Variants in ITPRID2 observed in about 807,000 individuals in gnomAD.
ITPRID2 encodes ITPR interacting domain containing 2.
A neutral mutation model predicts 124.3 loss-of-function variants in ITPRID2; 60 were observed. That is an observed-to-expected ratio of 0.48 (90% CI 0.39 to 0.60). The LOEUF (loss-of-function observed/expected upper bound fraction) is 0.60. Ranked by LOEUF, ITPRID2 falls within the 20% of genes least tolerant of loss-of-function variation. ITPRID2 has a pLI of 0.00. For missense variants in ITPRID2, 1,553 were observed against 1,512.2 expected, an observed-to-expected ratio of 1.03 and a Z score of -0.45; for synonymous variants, 521 against 542.9, an observed-to-expected ratio of 0.96 and a Z score of 0.56.
chr2:181,915,639 G>A lies in ITPRID2; in HGVS notation c.1999G>A (p.Ala667Thr). 6.2e-7 allele frequency: 1 copy of A among 1,614,160 alleles called. No individual in the cohort carries two copies. Among genetic ancestry groups the A allele is most frequent in the Non-Finnish European group, 8.5e-7 (1 of 1,180,030 alleles). ...YTTHHILKSL[A>T]SIEAKCSDMS... Reference sequence around the variant, plus strand: ...CACACACCATATTCTGAAATCATTGGCTTCTATTGAAGCTAAATGCAGTGA... The same window carrying A: ...CACACACCATATTCTGAAATCATTGACTTCTATTGAAGCTAAATGCAGTGA... Residue 667 changes from alanine (A) to threonine (T), a missense_variant, in exon 11 of 18, where the codon GCT becomes ACT. Transcript: ENST00000431877.
chr2:181,927,417 T>C (rs914132576), intron 16 of ITPRID2, among the ~76,000 whole-genome samples: 1 of 152,208 alleles, frequency 6.6e-6, no homozygotes, highest in Non-Finnish European at 1.5e-5. Context: ...TGTAAGTGTT[T>C]GGACACCTGT....
At chr2:181,903,745 T>C (rs542357410) in intron 8 of ITPRID2, among the ~76,000 whole-genome samples, 4 of 152,310 alleles carry the variant, frequency 2.6e-5, no homozygotes, top group East Asian at 3.9e-4. Flanking sequence ...CCTGGTATAA[T>C]TTATTTCTCA....
In ITPRID2 at chr2:181,930,445, A is replaced by G. The variant is rs1340452342; in HGVS notation, c.*898A>G. The G allele has an allele frequency of 6.6e-6, 1 of 152,400 alleles. No homozygotes were observed. The highest frequency in any genetic ancestry group is 2.4e-5 in the African/African-American group (1 of 41,336). 9.4% of individuals were successfully genotyped at this position (152,400 alleles called of 1,614,324 possible). On this transcript the variant is annotated 3_prime_UTR_variant, in exon 18 of 18. Transcript: ENST00000431877. ...TTTTAGTTCAGTTTTAACCAGTGAA[A>G]ACTTTGTTTTTATGAAAAAAAAGGA... is the stretch of plus-strand genomic sequence containing the variant.
rs779312933 is a variant in ITPRID2, at chr2:181,919,234, T to C, written c.2994-62T>C. ...TTAGCATATAGTAGTTGTTGAAAGA[T>C]TTGTGATTAGGAATCTCCAAACTGC... On this transcript the variant is annotated intron_variant, in intron 13 of 17. Coordinates refer to ENST00000431877, the MANE Select transcript of ITPRID2 (RefSeq NM_001130445.3). The surrounding 1 kb of genome is among the most constrained non-coding windows in gnomAD (Gnocchi z 4.2). 1.3e-5 allele frequency: 20 copies of C among 1,586,384 alleles called. No homozygotes were observed. The highest frequency in any genetic ancestry group is 1.7e-5 in the Non-Finnish European group (20 of 1,163,150).
chr2:181,926,325 T>C (rs1393919072), intron 16 of ITPRID2, among the ~76,000 whole-genome samples: 1 of 152,192 alleles, frequency 6.6e-6, no homozygotes, highest in Non-Finnish European at 1.5e-5. Flanking sequence ...CCATTGAGAT[T>C]ATATCATGCT....
Position 181,899,035 on chromosome 2 carries a change from G to A in ITPRID2, c.426G>A (p.Glu142=), listed in dbSNP as rs770372418. Reference sequence around the variant, plus strand: ...GTAGCAATAATATCTTGGCCAAAGAGAGAAGATTACAGTTTCATCAGAAAG... The same window carrying A: ...GTAGCAATAATATCTTGGCCAAAGAAAGAAGATTACAGTTTCATCAGAAAG... ...IENCNNILAK[E]RRLQFHQKGR... is the part of the protein sequence containing the mutation. The change falls in exon 6 of 18, where the codon GAG becomes GAA. Residue 142 remains glutamate (E), a synonymous_variant. Transcript: ENST00000431877. 4.3e-6 allele frequency: 7 copies of A among 1,611,550 alleles called. No individual in the cohort carries two copies. The highest frequency in any genetic ancestry group is 5.1e-6 in the Non-Finnish European group (6 of 1,179,194).
intron 11 of ITPRID2, chr2:181,916,655 T>C (rs2125100564): frequency 1.4e-6 from 1 of 726,886 alleles, no homozygotes; most frequent in African/African-American, 1.8e-5. Context: ...CAAGTCTGTC[T>C]CCTTTCCAAG....
Position 181,892,739 on chromosome 2 carries a change from G to A in ITPRID2, c.257+79G>A. 6.5e-7 allele frequency: 1 copy of A among 1,527,438 alleles called. No homozygotes were observed. The highest frequency in any genetic ancestry group is 1.1e-5 in the South Asian group (1 of 88,940). 94.6% of individuals were successfully genotyped at this position (1,527,438 alleles called of 1,614,324 possible). On this transcript the variant is annotated intron_variant, in intron 2 of 17. Coordinates refer to ENST00000431877, the MANE Select transcript of ITPRID2 (RefSeq NM_001130445.3). The surrounding 1 kb of genome is among the most constrained non-coding windows in gnomAD (Gnocchi z 5.2). ...GCCGGAGCAGAGCCACTCGGGCCGC[G>A]TCCCTGTGGGTCCCGCGACCGTTGT...
chr2:181,922,142 G>A lies in ITPRID2; in HGVS notation c.3405G>A (p.Val1135=). The A allele has an allele frequency of 2.5e-6, 4 of 1,614,166 alleles. No individual in the cohort carries two copies. Among genetic ancestry groups the A allele is most frequent in the South Asian group, 1.1e-5 (1 of 91,080 alleles). ...CTGGAGTACCTTCTACTGCCTCAGT[G>A]GGCAAATCCAAAACCCCATTAGTGG... ...RRTGVPSTAS[V]GKSKTPLVAR... The change falls in exon 16 of 18, where the codon GTG becomes GTA. Residue 1135 remains valine, a synonymous_variant. Transcript: ENST00000431877.
At chr2:181,903,173 G>A (rs1692817943) in intron 8 of ITPRID2, among the ~76,000 whole-genome samples, 1 of 152,176 alleles carries the variant, frequency 6.6e-6, no homozygotes, top group African/African-American at 2.4e-5. Context: ...TGAATAGTAG[G>A]AGCTGAATAG....
intron 8 of ITPRID2, 109 bp from the exon 9 acceptor site, chr2:181,909,790 T>G: frequency 1.5e-6 from 1 of 672,726 alleles, no homozygotes; most frequent in Non-Finnish European, 2.5e-6. Context: ...ATATATAATG[T>G]TTTGGTGCAC....
intron 9 of ITPRID2, among the ~76,000 whole-genome samples, chr2:181,911,416 G>GTT (rs1446657821): frequency 2.0e-5 from 3 of 152,162 alleles, no homozygotes; most frequent in African/African-American, 7.2e-5. Context: ...GTGACTTAAT[G>GTT]TTTGTTACAA....
rs1691819419 is a variant in ITPRID2 at position 181,892,514 on chromosome 2, C to T, written c.212-101C>T. ...ACACTGAGACGTGTCGCTTAGGCTG[C>T]ATTTGCCGTGGTAGATTTTCCTACT... is the stretch of plus-strand genomic sequence containing the variant. On this transcript the variant is annotated intron_variant, in intron 1 of 17. Transcript: ENST00000431877. This position sits in a 1 kb window ranked among gnomAD's most constrained non-coding sequence, Gnocchi z 5.2. 1.4e-6 allele frequency: 2 copies of T among 1,442,386 alleles called. No homozygotes were observed. Among genetic ancestry groups the T allele is most frequent in the African/African-American group, 2.8e-5 (2 of 71,318 alleles). The allele number at this position is 1,442,386 out of a possible 1,614,324, so 89.3% of individuals were successfully genotyped here.
rs1692175744 is a variant in ITPRID2, at chr2:181,896,096, T to A, written c.307+17T>A. ...CACTCAAGGGTAAGAGAAGGTTGCC[T>A]TTCTAAATCTGTTCTTTATGACAGT... On this transcript the variant is annotated intron_variant, in intron 3 of 17. Coordinates refer to ENST00000431877, the MANE Select transcript of ITPRID2 (RefSeq NM_001130445.3). The surrounding 1 kb of genome is among the most constrained non-coding windows in gnomAD (Gnocchi z 4.3). 1.9e-6 allele frequency: 3 copies of A among 1,609,402 alleles called. No individual in the cohort carries two copies. Among genetic ancestry groups the A allele is most frequent in the Non-Finnish European group, 1.7e-6 (2 of 1,176,008 alleles).
intron 6 of ITPRID2, 106 bp from the exon 7 acceptor site, chr2:181,900,590 G>T (rs1272716451): frequency 1.2e-6 from 1 of 828,474 alleles, no homozygotes; most frequent in Non-Finnish European, 1.9e-6. Flanking sequence ...TGAGAAAAAA[G>T]ATTTTATCAC....
chr2:181,893,892 A>C (rs1691966986), intron 2 of ITPRID2: 1 of 152,190 alleles, frequency 6.6e-6, no homozygotes, highest in South Asian at 2.1e-4. Flanking sequence ...TGAAATTTTG[A>C]ATGTACATGT....
Position 181,929,659 on chromosome 2 carries a change from T to G in ITPRID2, c.*112T>G, listed in dbSNP as rs754907789. Reference sequence around the variant, plus strand: ...CTTTAGAAGATACTTGCTGTTGAGCTGGGCTACTGTATACAGTGTACAATG... The same window carrying G: ...CTTTAGAAGATACTTGCTGTTGAGCGGGGCTACTGTATACAGTGTACAATG... On this transcript the variant is annotated 3_prime_UTR_variant, in exon 18 of 18. Transcript: ENST00000431877. 29 of 1,603,206 alleles carry G rather than the reference T, an allele frequency of 1.8e-5. No homozygotes were observed. Among genetic ancestry groups the G allele is most frequent in the Non-Finnish European group, 2.5e-5 (29 of 1,170,602 alleles).
chr2:181,916,702 T>C lies in ITPRID2; in HGVS notation c.2787+275T>C, dbSNP rs1694082342. 4.5e-5 allele frequency: 32 copies of C among 714,900 alleles called. 1 individual carries two copies. The South Asian group carries it at 1.1e-3, about 25-fold the overall frequency. 44.3% of individuals were successfully genotyped at this position (714,900 alleles called of 1,614,324 possible). On this transcript the variant is annotated intron_variant, in intron 11 of 17. Coordinates refer to ENST00000431877, the MANE Select transcript of ITPRID2 (RefSeq NM_001130445.3). ...TTCTCGTTAAGTATCCTCCCATTTT[T>C]AGTCTATCATCCACTGTCTTTGTTT...
At chr2:181,920,457 T>C (rs1282784854) in intron 14 of ITPRID2, 140 bp from the exon 15 acceptor site, 3 of 524,496 alleles carry the variant, frequency 5.7e-6, no homozygotes, top group African/African-American at 2.0e-5. Context: ...AAAGGGATGC[T>C]TCCAGGCACT....
Sources: allele counts gnomAD v4.1 joint callset (sites outside exome capture counted in the v4.1 genomes callset), GRCh38; gene constraint gnomAD v4.1.1; non-coding constraint Gnocchi (gnomAD v3.1); transcripts MANE v1.5; gene names NCBI Gene and HGNC (gene_info 2026-07-23, HGNC 2026-07-21).